STRIP1: variants seen among roughly 807,000 people sequenced by gnomAD.
STRIP1 encodes striatin interacting protein 1.
In STRIP1, 63 loss-of-function variants were observed where a neutral mutation model predicts 106.2. That is an observed-to-expected ratio of 0.59 (90% CI 0.48 to 0.73). The LOEUF is 0.73. STRIP1 is among the 30% of genes least tolerant of loss of function. The pLI is 0.00. For missense variants in STRIP1, 857 were observed against 1,074.8 expected, an observed-to-expected ratio of 0.80 and a Z score of 2.83; for synonymous variants, 390 against 413.0, an observed-to-expected ratio of 0.94 and a Z score of 0.67.
intron 9 of STRIP1, 31 bp downstream of exon 9, chr1:110,043,301 G>T: frequency 1.9e-6 from 3 of 1,601,998 alleles, no homozygotes; most frequent in Non-Finnish European, 2.5e-6. Context: ...TGTGACTCCT[G>T]AGGGCCCTCA....
chr1:110,046,778 G>T (rs368488096), intron 13 of STRIP1, 27 bp downstream of exon 13: 2 of 1,585,116 alleles, frequency 1.3e-6, no homozygotes, highest in African/African-American at 2.7e-5. Context: ...CAGTCCGGGC[G>T]CGGTGGCTCA....
At chr1:110,049,319 C>G (rs969157774) in intron 16 of STRIP1, 81 bp downstream of exon 16, 1 of 1,603,070 alleles carries the variant, frequency 6.2e-7, no homozygotes, top group Non-Finnish European at 8.5e-7. Flanking sequence ...GAACGGGGGC[C>G]TTGGCCTTTG....
intron 8 of STRIP1, 151 bp from the exon 9 acceptor site, chr1:110,042,937 G>T: frequency 3.0e-6 from 2 of 661,568 alleles, no homozygotes; most frequent in Non-Finnish European, 5.0e-6. Context: ...ATTCTCCTTG[G>T]GAGTGGCTTC....
Position 110,034,747 on chromosome 1 carries a change from G to A in STRIP1, c.110G>A (p.Arg37Gln). 1 of 1,461,682 alleles carries A rather than the reference G, an allele frequency of 6.8e-7. No homozygotes were observed. The highest frequency in any genetic ancestry group is 9.0e-7 in the Non-Finnish European group (1 of 1,113,468). The allele number at this position is 1,461,682 out of a possible 1,614,324, so 90.5% of individuals were successfully genotyped here. A position where few individuals can be genotyped will look rare whatever the true frequency, so the allele number is the denominator to read the frequency against. ...GCACAGCCACCACCCGGGGCACCGC[G>A]GGCCGCCGCGGGCCTCCTGCCTGGG... ...AAAQPPPGAP[R>Q]AAAGLLPGGK... The change falls in exon 1 of 21, where the codon CGG becomes CAG. Residue 37 changes from arginine (R) to glutamine (Q), a missense_variant. Arg to Gln is a conservative substitution (Grantham distance 43). Coordinates refer to ENST00000369795, the MANE Select transcript of STRIP1 (RefSeq NM_033088.4).
At chr1:110,045,910 G>C (rs575588341) in intron 12 of STRIP1, among the ~76,000 whole-genome samples, 5 of 152,184 alleles carry the variant, frequency 3.3e-5, no homozygotes, top group Non-Finnish European at 7.3e-5. Context: ...GAGATGAGGG[G>C]TGTTTCGCAA....
intron 1 of STRIP1, among the ~76,000 whole-genome samples, chr1:110,035,704 T>G (rs1652420805): frequency 6.6e-6 from 1 of 152,162 alleles, no homozygotes; most frequent in Non-Finnish European, 1.5e-5. Flanking sequence ...CCTAGATTGA[T>G]CAGCAGCCAA....
At chr1:110,048,930 C>T (rs113515527) in intron 15 of STRIP1, among the ~76,000 whole-genome samples, 182 bp from the exon 16 acceptor site, 7 of 152,204 alleles carry the variant, frequency 4.6e-5, no homozygotes, top group Admixed American at 1.3e-4. Flanking sequence ...ATAAATTGTG[C>T]GAGGCTACAT....
At chr1:110,042,670 G>A (rs1212836251) in intron 8 of STRIP1, among the ~76,000 whole-genome samples, 2 of 152,180 alleles carry the variant, frequency 1.3e-5, no homozygotes, top group Non-Finnish European at 2.9e-5. Context: ...ATGTTTAGAT[G>A]AAGCTTTTTT....
At chr1:110,048,955 A>T (rs1031650033) in intron 15 of STRIP1, among the ~76,000 whole-genome samples, 157 bp from the exon 16 acceptor site, 2 of 152,144 alleles carry the variant, frequency 1.3e-5, no homozygotes, top group African/African-American at 4.8e-5. Context: ...TGGGAGGTGG[A>T]TGGGGGAGCC....
chr1:110,049,364 T>A, intron 16 of STRIP1, 96 bp from the exon 17 acceptor site: 1 of 1,558,250 alleles, frequency 6.4e-7, no homozygotes, highest in Middle Eastern at 2.0e-4. Flanking sequence ...TTCTAAGACA[T>A]GGCCCTTCAG....
At chr1:110,032,605 C>T (rs1454394287), upstream of STRIP1, among the ~76,000 whole-genome samples, 1 of 152,126 alleles carries the variant, frequency 6.6e-6, no homozygotes, top group Non-Finnish European at 1.5e-5. Flanking sequence ...GTTTTTCTTA[C>T]TCTCGAGCTT....
At chr1:110,034,483 A>T, upstream of STRIP1, 1 of 790,908 alleles carries the variant, frequency 1.3e-6, no homozygotes, top group African/African-American at 1.8e-5. Context: ...AGGACTGCAG[A>T]CAGAATATCG....
chr1:110,051,995 C>A (rs78255526), intron 20 of STRIP1, 108 bp downstream of exon 20: 3 of 1,218,208 alleles, frequency 2.5e-6, no homozygotes, highest in African/African-American at 1.5e-5. Flanking sequence ...GAGCTTCCCC[C>A]CAAGGAACAG....
chr1:110,041,399 A>G, intron 6 of STRIP1, 137 bp from the exon 7 acceptor site: 2 of 630,310 alleles, frequency 3.2e-6, no homozygotes, highest in East Asian at 2.8e-5. Flanking sequence ...GCTTTTGGCC[A>G]TTCTTGTTCA....
At position 110,054,443 on chromosome 1, in the gene STRIP1, C is replaced by T. The variant is rs947953057; in HGVS notation, c.*531C>T. ...ATATCCAGAAGTAATTGCGGAGGCT[C>T]CTTCAGCTGCCTCAGCACTTTGATT... On this transcript the variant is annotated 3_prime_UTR_variant, in exon 21 of 21. Coordinates refer to ENST00000369795, the MANE Select transcript of STRIP1 (RefSeq NM_033088.4). 1 of 154,154 alleles carries T rather than the reference C, an allele frequency of 6.5e-6. No individual in the cohort carries two copies. Among genetic ancestry groups the T allele is most frequent in the Non-Finnish European group, 1.4e-5 (1 of 69,118 alleles). 9.5% of individuals were successfully genotyped at this position (154,154 alleles called of 1,614,324 possible). A position where few individuals can be genotyped will look rare whatever the true frequency, so the allele number is the denominator to read the frequency against.
At position 110,049,313 on chromosome 1, in the gene STRIP1, G is replaced by A. The variant is rs556586375; in HGVS notation, c.1788+75G>A. 1.8e-4 allele frequency: 297 copies of A among 1,606,158 alleles called. 2 individuals carry two copies. The African/African-American group carries it at 3.5e-3, about 19-fold the overall frequency. Reference sequence around the variant, plus strand: ...TGCTGCTCCTCCAGCCCACAAGAACGGGGGCCTTGGCCTTTGACCCACTTG... The same window carrying A: ...TGCTGCTCCTCCAGCCCACAAGAACAGGGGCCTTGGCCTTTGACCCACTTG... On this transcript the variant is annotated intron_variant, in intron 16 of 20. Coordinates refer to ENST00000369795, the MANE Select transcript of STRIP1 (RefSeq NM_033088.4).
intron 1 of STRIP1, 144 bp from the exon 2 acceptor site, chr1:110,037,747 T>A: frequency 1.8e-6 from 1 of 566,060 alleles, no homozygotes; most frequent in Non-Finnish European, 3.2e-6. Context: ...TAGGATACTC[T>A]GAGAGGTTTT....
upstream of STRIP1, among the ~76,000 whole-genome samples, chr1:110,032,236 C>T (rs1652211679): frequency 6.6e-6 from 1 of 152,018 alleles, no homozygotes; most frequent in African/African-American, 2.4e-5. Flanking sequence ...AATGTTTTTC[C>T]CCGGGTGATA....
At chr1:110,047,503 T>G (rs1474435810) in intron 13 of STRIP1, 39 bp from the exon 14 acceptor site, 16 of 1,546,396 alleles carry the variant, frequency 1.0e-5, no homozygotes, top group Non-Finnish European at 1.3e-5. Flanking sequence ...GATTGTATTC[T>G]GGGCTGGGGT....
Sources: gnomAD v4.1 joint callset for allele counts (sites outside exome capture counted in the v4.1 genomes callset) on GRCh38, gnomAD v4.1.1 for gene constraint, MANE v1.5 for transcripts, NCBI Gene and HGNC (gene_info 2026-07-23, HGNC 2026-07-21) for gene names.